Variants in MNAT1 observed in about 807,000 individuals in gnomAD.
MNAT1 encodes the protein CDK-activating kinase assembly factor MAT1.
Under a neutral mutation model 42.0 loss-of-function variants are expected in MNAT1, and 43 were observed. The ratio of observed to expected loss-of-function variants is 1.02; its 90% CI spans 0.80 to 1.32. The LOEUF (loss-of-function observed/expected upper bound fraction) is 1.32. Ranked by LOEUF, MNAT1 falls within the 40% of genes most tolerant of loss-of-function variation. The pLI is 0.00. For missense variants in MNAT1, 306 were observed against 350.4 expected (o/e 0.87, Z 1.01); for synonymous variants, 118 against 120.0 (o/e 0.98, Z 0.11).
At chr14:60,950,794 AT>A (rs1283640042) in intron 7 of MNAT1, among the ~76,000 whole-genome samples, 1 of 152,122 alleles carries the variant, frequency 6.6e-6, no homozygotes, top group Non-Finnish European at 1.5e-5. Context: ...TTCATATCCT[AT>A]TTTTATTTGC....
At chr14:60,872,559 G>T (rs2034349154) in intron 6 of MNAT1, among the ~76,000 whole-genome samples, 1 of 151,624 alleles carries the variant, frequency 6.6e-6, no homozygotes. Flanking sequence ...CTCAGATCTA[G>T]ACCATATTAC....
At chr14:60,922,071 C>T (rs964200419) in intron 7 of MNAT1, among the ~76,000 whole-genome samples, 5 of 151,952 alleles carry the variant, frequency 3.3e-5, no homozygotes, top group East Asian at 1.9e-4. Flanking sequence ...TAATAAATGT[C>T]GGAAAAAAAG....
intron 1 of MNAT1, among the ~76,000 whole-genome samples, chr14:60,792,835 A>G (rs75349496): frequency 0.023 from 3,508 of 152,258 alleles, 151 homozygotes; most frequent in African/African-American, 0.08. Context: ...ATTTTTGGAA[A>G]TGGATAATGA....
chr14:60,959,797 A>C (rs984098165), intron 7 of MNAT1, among the ~76,000 whole-genome samples: 2 of 152,150 alleles, frequency 1.3e-5, no homozygotes, highest in Non-Finnish European at 2.9e-5. Context: ...TCTTTCTGAC[A>C]TCATTCCTTG....
intron 1 of MNAT1, among the ~76,000 whole-genome samples, chr14:60,781,167 A>G (rs2031446323): frequency 6.6e-6 from 1 of 152,090 alleles, no homozygotes. Context: ...GAAGGGATGG[A>G]TATTTGTACT....
At chr14:60,898,931 GTA>G (rs1379340237) in intron 7 of MNAT1, among the ~76,000 whole-genome samples, 3 of 151,952 alleles carry the variant, frequency 2.0e-5, no homozygotes, top group Non-Finnish European at 2.9e-5. Flanking sequence ...GTTGATTTTT[GTA>G]TATGGTGAGA....
chr14:60,891,949 A>G (rs535778585), intron 7 of MNAT1, among the ~76,000 whole-genome samples: 1 of 152,070 alleles, frequency 6.6e-6, no homozygotes, highest in African/African-American at 2.4e-5. Flanking sequence ...CAAATTTGTG[A>G]ATTTTCTAGT....
intron 7 of MNAT1, among the ~76,000 whole-genome samples, chr14:60,896,148 T>C (rs1212936980): frequency 6.6e-6 from 1 of 152,200 alleles, no homozygotes; most frequent in Non-Finnish European, 1.5e-5. Context: ...ATTCACAGGG[T>C]ATCATTAGTA....
chr14:60,859,853 G>A (rs1021477171), intron 6 of MNAT1, among the ~76,000 whole-genome samples: 8 of 152,110 alleles, frequency 5.3e-5, no homozygotes, highest in African/African-American at 1.9e-4. Flanking sequence ...TCAATTAAGA[G>A]CTTATTGATA....
At chr14:60,917,457 A>G (rs1462364409) in intron 7 of MNAT1, among the ~76,000 whole-genome samples, 2 of 152,140 alleles carry the variant, frequency 1.3e-5, no homozygotes, top group Non-Finnish European at 2.9e-5. Flanking sequence ...TATTCCATAT[A>G]TTCTTGGTTT....
At chr14:60,809,770 G>A (rs2032487668) in intron 4 of MNAT1, among the ~76,000 whole-genome samples, 1 of 151,936 alleles carries the variant, frequency 6.6e-6, no homozygotes, top group South Asian at 2.1e-4. Flanking sequence ...GTATTTTGTT[G>A]AGAATTTTTG....
chr14:60,754,850 C>T (rs1195862284), intron 1 of MNAT1, among the ~76,000 whole-genome samples: 1 of 152,104 alleles, frequency 6.6e-6, no homozygotes, highest in Non-Finnish European at 1.5e-5. Context: ...AGCTTCCTGT[C>T]ATTGACTAAG....
chr14:60,778,730 A>T (rs2031340208), intron 1 of MNAT1, among the ~76,000 whole-genome samples: 2 of 152,174 alleles, frequency 1.3e-5, no homozygotes, highest in Admixed American at 6.5e-5. Flanking sequence ...TTGATAGAAC[A>T]GTTGTAATGG....
At chr14:60,855,526 T>A (rs1432712578) in intron 6 of MNAT1, among the ~76,000 whole-genome samples, 1 of 152,142 alleles carries the variant, frequency 6.6e-6, no homozygotes, top group Non-Finnish European at 1.5e-5. Flanking sequence ...GATAGCACAG[T>A]CTCTCACAGC....
At chr14:60,816,948 A>G (rs2032734347) in intron 5 of MNAT1, among the ~76,000 whole-genome samples, 1 of 151,974 alleles carries the variant, frequency 6.6e-6, no homozygotes, top group Admixed American at 6.6e-5. Context: ...CTTTTATGTG[A>G]ATGTGAAACC....
At chr14:60,869,442 C>T (rs2034281281) in intron 6 of MNAT1, among the ~76,000 whole-genome samples, 1 of 152,064 alleles carries the variant, frequency 6.6e-6, no homozygotes, top group South Asian at 2.1e-4. Context: ...TGAGCATGAG[C>T]ATAGGGCCTT....
intron 6 of MNAT1, among the ~76,000 whole-genome samples, chr14:60,866,841 C>G (rs2034213539): frequency 6.6e-6 from 1 of 151,856 alleles, no homozygotes. Flanking sequence ...TAATTTTTTT[C>G]CAACCTTTTC....
At chr14:60,918,302 G>A (rs981212804) in intron 7 of MNAT1, among the ~76,000 whole-genome samples, 2 of 127,638 alleles carry the variant, frequency 1.6e-5, no homozygotes, top group African/African-American at 2.8e-5. Context: ...TCTGCCTCCC[G>A]GGTTCACGCC....
intron 7 of MNAT1, among the ~76,000 whole-genome samples, chr14:60,906,329 G>A (rs1168962805): frequency 2.6e-5 from 4 of 152,108 alleles, no homozygotes; most frequent in Non-Finnish European, 5.9e-5. Flanking sequence ...AAGGAGATGC[G>A]AAGTCATAGG....
Sources: allele counts gnomAD v4.1 joint callset (sites outside exome capture counted in the v4.1 genomes callset), GRCh38; gene constraint gnomAD v4.1.1; transcripts MANE v1.5; gene names NCBI Gene and HGNC (gene_info 2026-07-23, HGNC 2026-07-21).